SLCO2B1: variants seen among roughly 807,000 people sequenced by gnomAD.
SLCO2B1 encodes the protein solute carrier organic anion transporter family member 2B1, also known as OATP-RP2.
SLCO2B1 carries 41 observed loss-of-function variants against 67.3 expected under a neutral mutation model. The ratio of observed to expected loss-of-function variants is 0.61; its 90% CI spans 0.47 to 0.79. SLCO2B1 has a LOEUF of 0.79. Among genes scored for constraint, SLCO2B1 ranks in the 30% least tolerant of loss-of-function variants. The pLI, the probability that SLCO2B1 is intolerant of heterozygous loss-of-function variation, is 0.00. For synonymous variants in SLCO2B1, 379 were observed against 381.4 expected, an observed-to-expected ratio of 0.99 and a Z score of 0.07; for missense variants, 837 against 920.1, an observed-to-expected ratio of 0.91 and a Z score of 1.17.
chr11:75,161,449 A>T (rs1220710773), intron 1 of SLCO2B1, among the ~76,000 whole-genome samples: 9 of 152,240 alleles, frequency 5.9e-5, no homozygotes, highest in Non-Finnish European at 1.3e-4. Flanking sequence ...TATGAATTAC[A>T]TCTCAATTTT....
In SLCO2B1 at chr11:75,188,176, C is replaced by T. The variant is rs199595373; in HGVS notation, c.1013C>T (p.Thr338Met). Residue 338 changes from threonine (T) to methionine (M), a missense_variant, in exon 8 of 14, where the codon ACG becomes ATG. Thr to Met is a moderately conservative substitution (Grantham distance 81). Coordinates refer to ENST00000289575, the MANE Select transcript of SLCO2B1 (RefSeq NM_007256.5). ...TCTAAGCAGAGCCCTGGGGAGTCCACGAAGAAGCAGGATGGCCTAGTCCAG... is the reference window on the plus strand; with the variant it reads ...TCTAAGCAGAGCCCTGGGGAGTCCATGAAGAAGCAGGATGGCCTAGTCCAG... ...SPSKQSPGES[T>M]KKQDGLVQIA... 192 of 1,613,790 alleles carry T rather than the reference C, an allele frequency of 1.2e-4. No homozygotes were observed. The highest frequency in any genetic ancestry group is 1.7e-4 in the Middle Eastern group (1 of 6,056).
intron 7 of SLCO2B1, among the ~76,000 whole-genome samples, chr11:75,185,347 T>C (rs371634034): frequency 1.3e-5 from 2 of 152,004 alleles, no homozygotes; most frequent in South Asian, 4.1e-4. Context: ...CCCAAATGAG[T>C]GCTCTCCAGC....
rs960649402 is a variant in SLCO2B1 at position 75,206,367 on chromosome 11, T to C, written c.*1787T>C. On this transcript the variant is annotated 3_prime_UTR_variant, in exon 14 of 14. Transcript: ENST00000289575. ...TTTTACTGGATTCATTGCTCACCATTATTGCTTGTATATTACATCTTTTCC... is the reference window on the plus strand; with the variant it reads ...TTTTACTGGATTCATTGCTCACCATCATTGCTTGTATATTACATCTTTTCC... 1.3e-5 allele frequency: 2 copies of C among 152,244 alleles called. No individual in the cohort carries two copies. Among genetic ancestry groups the C allele is most frequent in the African/African-American group, 4.8e-5 (2 of 41,454 alleles). 9.4% of individuals were successfully genotyped at this position (152,244 alleles called of 1,614,324 possible).
chr11:75,172,616 C>A, intron 7 of SLCO2B1, 47 bp downstream of exon 7: 1 of 1,510,316 alleles, frequency 6.6e-7, no homozygotes, highest in Non-Finnish European at 9.1e-7. Context: ...TCCAGCACCA[C>A]CCACTTGTTC....
intron 1 of SLCO2B1, among the ~76,000 whole-genome samples, chr11:75,153,284 G>A (rs969678145): frequency 3.9e-5 from 6 of 152,098 alleles, no homozygotes; most frequent in East Asian, 3.8e-4. Context: ...CCTTGTTTCC[G>A]GTGTTGCTCT....
intron 7 of SLCO2B1, among the ~76,000 whole-genome samples, chr11:75,177,175 TACACACACAC>T (rs111442424): frequency 1.5e-3 from 225 of 149,658 alleles, no homozygotes; most frequent in African/African-American, 4.9e-3. Context: ...TCCACCCCTC[TACACACACAC>T]ACACACACAC....
chr11:75,170,722 C>T (rs1279178127), intron 6 of SLCO2B1, among the ~76,000 whole-genome samples: 2 of 152,232 alleles, frequency 1.3e-5, no homozygotes, highest in East Asian at 1.9e-4. Flanking sequence ...CAGCCCCGCC[C>T]CGCCCACTCT....
intron 6 of SLCO2B1, 75 bp downstream of exon 6, chr11:75,169,839 G>A (rs755742349): frequency 7.8e-7 from 1 of 1,276,974 alleles, no homozygotes; most frequent in Admixed American, 1.7e-5. Context: ...TTGAGCCAGG[G>A]GACCTCGGTT....
At chr11:75,198,832 C>A (rs1205376418) in intron 10 of SLCO2B1, among the ~76,000 whole-genome samples, 1 of 152,172 alleles carries the variant, frequency 6.6e-6, no homozygotes, top group African/African-American at 2.4e-5. Context: ...TAAGGTGGGG[C>A]AGGTGGGCGC....
chr11:75,170,115 G>A, intron 6 of SLCO2B1: 3 of 267,940 alleles, frequency 1.1e-5, no homozygotes, highest in Non-Finnish European at 2.2e-5. Flanking sequence ...GGGGCAGGTG[G>A]AAGAGCATAC....
chr11:75,203,628 A>C (rs1328879934), intron 13 of SLCO2B1: 7 of 630,090 alleles, frequency 1.1e-5, no homozygotes, highest in Non-Finnish European at 1.6e-5. Flanking sequence ...AGTGACAGTT[A>C]AAGCAAGTAG....
At chr11:75,202,994 G>T (rs768803469) in intron 12 of SLCO2B1, 29 bp downstream of exon 12, 1 of 1,595,054 alleles carries the variant, frequency 6.3e-7, no homozygotes, top group Non-Finnish European at 8.6e-7. Flanking sequence ...ACCATTGGTG[G>T]TGGTGATGGG....
intron 7 of SLCO2B1, among the ~76,000 whole-genome samples, chr11:75,176,661 A>T (rs1170938064): frequency 6.6e-6 from 1 of 152,186 alleles, no homozygotes; most frequent in African/African-American, 2.4e-5. Flanking sequence ...CTTTGGGAGA[A>T]TAGTCAGGGA....
intron 8 of SLCO2B1, among the ~76,000 whole-genome samples, chr11:75,189,025 C>T (rs1944979260): frequency 6.6e-6 from 1 of 152,230 alleles, no homozygotes; most frequent in Non-Finnish European, 1.5e-5. Context: ...ATATCCAGAA[C>T]CTGGGCTTTT....
intron 10 of SLCO2B1, chr11:75,199,570 G>A (rs879064081): frequency 6.6e-6 from 1 of 152,322 alleles, no homozygotes. Context: ...CAGCTGCCAG[G>A]GCTGGAGGTG....
intron 7 of SLCO2B1, among the ~76,000 whole-genome samples, chr11:75,184,175 T>C (rs907859843): frequency 5.3e-5 from 8 of 152,172 alleles, no homozygotes; most frequent in African/African-American, 9.7e-5. Flanking sequence ...CTATACCCAC[T>C]TCTGGTTAGA....
At chr11:75,157,317 G>A (rs1949757205) in intron 1 of SLCO2B1, among the ~76,000 whole-genome samples, 1 of 152,224 alleles carries the variant, frequency 6.6e-6, no homozygotes, top group Admixed American at 6.5e-5. Context: ...ATACCATCAT[G>A]TGAATGTTGA....
intron 11 of SLCO2B1, chr11:75,201,782 C>T (rs1193132702): frequency 6.6e-6 from 1 of 152,240 alleles, no homozygotes. Flanking sequence ...TGGCTGCATC[C>T]TGCAGGGACC....
At chr11:75,194,028 TG>T (rs1945066137) in intron 9 of SLCO2B1, among the ~76,000 whole-genome samples, 1 of 152,152 alleles carries the variant, frequency 6.6e-6, no homozygotes, top group Non-Finnish European at 1.5e-5. Context: ...AGGGACTGGA[TG>T]GCCCCTATCA....
Sources: gnomAD v4.1 joint callset for allele counts (sites outside exome capture counted in the v4.1 genomes callset) on GRCh38, gnomAD v4.1.1 for gene constraint, MANE v1.5 for transcripts, NCBI Gene and HGNC (gene_info 2026-07-23, HGNC 2026-07-21) for gene names.